RAMP1: variants seen among roughly 807,000 people sequenced by gnomAD.
RAMP1 encodes the protein receptor activity-modifying protein 1.
In RAMP1, 7 loss-of-function variants were observed where a neutral mutation model predicts 8.2. That is an observed-to-expected ratio of 0.85 (90% CI 0.49 to 1.60). RAMP1 has a LOEUF of 1.60. Among genes scored for constraint, RAMP1 ranks in the 40% most tolerant of loss-of-function variants. RAMP1 has a pLI of 0.00. For missense variants in RAMP1, 192 were observed against 202.4 expected (o/e 0.95, Z 0.31); for synonymous variants, 92 against 84.7 (o/e 1.09, Z -0.47).
chr2:237,888,929 G>C (rs574882395), intron 2 of RAMP1, among the ~76,000 whole-genome samples: 4 of 151,896 alleles, frequency 2.6e-5, no homozygotes, highest in Middle Eastern at 3.4e-3. Context: ...CCGCCACCAC[G>C]CCCAGCTAAT....
chr2:237,870,304 G>A (rs1344649894), intron 1 of RAMP1, among the ~76,000 whole-genome samples: 3 of 152,222 alleles, frequency 2.0e-5, no homozygotes, highest in Non-Finnish European at 4.4e-5. Flanking sequence ...CCCGTCCTGT[G>A]CAACTCTGAT....
At chr2:237,909,146 C>T (rs1329918781) in intron 2 of RAMP1, among the ~76,000 whole-genome samples, 2 of 152,168 alleles carry the variant, frequency 1.3e-5, no homozygotes, top group Non-Finnish European at 2.9e-5. Context: ...CCAGTGAGTG[C>T]AACTTGGACC....
chr2:237,880,723 G>A (rs1461761205), intron 2 of RAMP1, among the ~76,000 whole-genome samples: 3 of 152,180 alleles, frequency 2.0e-5, no homozygotes, highest in Non-Finnish European at 2.9e-5. Flanking sequence ...CAGAATTTCC[G>A]AACGTGCTGG....
chr2:237,877,092 G>A lies in RAMP1; in HGVS notation c.53-132G>A. ...TGAAGAGCGTCCACTTGGAGCCACA[G>A]TCGCCCTCTCCAGGGGTTGCTTAGA... On this transcript the variant is annotated intron_variant, in intron 1 of 2. Transcript: ENST00000254661. The surrounding 1 kb of genome is among the most constrained non-coding windows in gnomAD (Gnocchi z 4.4). The A allele has an allele frequency of 1.8e-6, 2 of 1,098,178 alleles. No homozygotes were observed. The highest frequency in any genetic ancestry group is 2.7e-6 in the Non-Finnish European group (2 of 748,330). The allele number at this position is 1,098,178 out of a possible 1,614,324, so 68.0% of individuals were successfully genotyped here. A position where few individuals can be genotyped will look rare whatever the true frequency, so the allele number is the denominator to read the frequency against.
At chr2:237,873,556 C>A (rs938525751) in intron 1 of RAMP1, among the ~76,000 whole-genome samples, 10 of 152,218 alleles carry the variant, frequency 6.6e-5, no homozygotes, top group Non-Finnish European at 5.9e-5. Flanking sequence ...CCCCCTCAAG[C>A]AACACTGAGT....
chr2:237,869,682 T>G (rs1210600475), intron 1 of RAMP1, among the ~76,000 whole-genome samples: 1 of 152,260 alleles, frequency 6.6e-6, no homozygotes. Flanking sequence ...CGTGGGTTGC[T>G]TCCACTTCTG....
Position 237,911,363 on chromosome 2 carries a change from C to A in RAMP1, c.192-165C>A, listed in dbSNP as rs564863626. Among the ~76,000 whole-genome samples, 9 of 152,342 alleles carry A rather than the reference C, an allele frequency of 5.9e-5. No homozygotes were observed. The East Asian group carries it at 1.7e-3, about 29-fold the overall frequency. On this transcript the variant is annotated intron_variant, in intron 2 of 2. Transcript: ENST00000254661. ...CGCCTTGGAGTCCCCTTGGAGCCAT[C>A]GGGCCCCTGCCCTCCTGGATCCAGG...
At position 237,911,661 on chromosome 2, in the gene RAMP1, A is replaced by C; in HGVS notation, c.325A>C (p.Arg109=). 6.2e-7 allele frequency: 1 copy of C among 1,614,076 alleles called. No individual in the cohort carries two copies. The change falls in exon 3 of 3, where the codon AGG becomes CGG. Residue 109 remains arginine (R), a synonymous_variant. Coordinates refer to ENST00000254661, the MANE Select transcript of RAMP1 (RefSeq NM_005855.4). The part of the protein sequence containing the change: ...RYFRSCPISG[R]AVRDPPGSIL... ...CTTCAGGAGCTGCCCCATCTCAGGC[A>C]GGGCCGTGCGGGACCCGCCCGGCAG...
At chr2:237,863,502 C>T (rs57725361) in intron 1 of RAMP1, among the ~76,000 whole-genome samples, 9 of 152,196 alleles carry the variant, frequency 5.9e-5, no homozygotes, top group African/African-American at 1.4e-4. Context: ...TGCGTCAACA[C>T]GGCCACCATA....
At chr2:237,872,436 C>A (rs555654129) in intron 1 of RAMP1, among the ~76,000 whole-genome samples, 18 of 152,278 alleles carry the variant, frequency 1.2e-4, no homozygotes, top group Middle Eastern at 3.4e-3. Flanking sequence ...GCCCCCGAAG[C>A]CTCTCCTGGG....
rs900303597 is a variant in RAMP1 at position 237,862,221 on chromosome 2, G to A, written c.52+2494G>A. On this transcript the variant is annotated intron_variant, in intron 1 of 2. Transcript: ENST00000254661. This position sits in a 1 kb window ranked among gnomAD's most constrained non-coding sequence, Gnocchi z 4.0. ...ACAGGGACATCACAGGAAATGCTAT[G>A]TGACTGCTTCAGATTGCCATGCGGT... Among the ~76,000 whole-genome samples the A allele has an allele frequency of 6.6e-6, 1 of 152,320 alleles. No homozygotes were observed. The highest frequency in any genetic ancestry group is 1.5e-5 in the Non-Finnish European group (1 of 68,032).
intron 1 of RAMP1, among the ~76,000 whole-genome samples, chr2:237,875,680 T>C (rs114475397): frequency 0.011 from 1,682 of 152,286 alleles, 34 homozygotes; most frequent in African/African-American, 0.038. Context: ...GACCCACTCA[T>C]GGCCTCAGCC....
Position 237,911,590 on chromosome 2 carries a change from C to G in RAMP1, c.254C>G (p.Pro85Arg). Residue 85 changes from proline (P) to arginine (R), a missense_variant, in exon 3 of 3, where the codon CCC becomes CGC. Coordinates refer to ENST00000254661, the MANE Select transcript of RAMP1 (RefSeq NM_005855.4). ...GCGGAGAAGCTGGGCTGCTTCTGGC[C>G]CAATGCAGAGGTGGACAGGTTCTTC... ...HMAEKLGCFW[P>R]NAEVDRFFLA... is the part of the protein sequence containing the mutation. 1 of 1,614,152 alleles carries G rather than the reference C, an allele frequency of 6.2e-7. No individual in the cohort carries two copies. Among genetic ancestry groups the G allele is most frequent in the Non-Finnish European group, 8.5e-7 (1 of 1,180,020 alleles).
Position 237,875,168 on chromosome 2 carries a change from G to A in RAMP1, c.53-2056G>A, listed in dbSNP as rs374563886. ...CCACAGTAGGTGGGCTTTCCTAGGG[G>A]GCATCTTGATGGGGCAGGTGTCAGA... On this transcript the variant is annotated intron_variant, in intron 1 of 2. Transcript: ENST00000254661. Among the ~76,000 whole-genome samples, 307 of 152,212 alleles carry A rather than the reference G, an allele frequency of 2.0e-3. 1 individual carries two copies. Among genetic ancestry groups the A allele is most frequent in the African/African-American group, 7.1e-3 (296 of 41,532 alleles).
intron 2 of RAMP1, among the ~76,000 whole-genome samples, chr2:237,909,507 G>A (rs912737195): frequency 6.6e-6 from 1 of 152,132 alleles, no homozygotes; most frequent in African/African-American, 2.4e-5. Flanking sequence ...CGCCAGAGGG[G>A]CCTTTCTTCC....
chr2:237,889,539 T>C (rs1225947478), intron 2 of RAMP1, among the ~76,000 whole-genome samples: 2 of 152,240 alleles, frequency 1.3e-5, no homozygotes, highest in Non-Finnish European at 2.9e-5. Flanking sequence ...CCACGCCATT[T>C]AAATTACCAC....
At chr2:237,895,097 G>C (rs1372134703) in intron 2 of RAMP1, among the ~76,000 whole-genome samples, 1 of 152,146 alleles carries the variant, frequency 6.6e-6, no homozygotes, top group African/African-American at 2.4e-5. Context: ...TGGAGCCACG[G>C]CCCCCCAGCA....
chr2:237,888,392 A>G (rs2062456783), intron 2 of RAMP1, among the ~76,000 whole-genome samples: 1 of 152,160 alleles, frequency 6.6e-6, no homozygotes, highest in Non-Finnish European at 1.5e-5. Context: ...TTGTTCCTCT[A>G]AAGAATTTTA....
rs71039788 is a variant in RAMP1 at position 237,893,970 on chromosome 2, CT to C, written c.191+16627del. 1.9e-3 allele frequency among the ~76,000 whole-genome samples: 199 copies of C among 104,176 alleles called. 2 individuals are homozygous for C. The highest frequency in any genetic ancestry group is 2.7e-3 in the Non-Finnish European group (150 of 55,942). 68.3% of individuals were successfully genotyped at this position (104,176 alleles called of 152,430 possible). ...AAATAAGTAAAAATAAAAATACTTT[CT>C]TTTTTTTTTTTTTTTTTTGAGACAG... is the stretch of plus-strand genomic sequence containing the variant. On this transcript the variant is annotated intron_variant, in intron 2 of 2. Coordinates refer to ENST00000254661, the MANE Select transcript of RAMP1 (RefSeq NM_005855.4).
Sources: gnomAD v4.1 joint callset for allele counts (sites outside exome capture counted in the v4.1 genomes callset) on GRCh38, gnomAD v4.1.1 for gene constraint, Gnocchi (gnomAD v3.1) non-coding constraint, MANE v1.5 for transcripts, NCBI Gene and HGNC (gene_info 2026-07-23, HGNC 2026-07-21) for gene names.